BCL2: variants seen among roughly 807,000 people sequenced by gnomAD.
BCL2 encodes apoptosis regulator Bcl-2.
Under a neutral mutation model 14.2 loss-of-function variants are expected in BCL2, and 1 was observed. The ratio of observed to expected loss-of-function variants is 0.07; its 90% CI spans 0.02 to 0.33. The LOEUF (loss-of-function observed/expected upper bound fraction) is 0.33, where lower values mean the gene tolerates loss of function less well. Among genes scored for constraint, BCL2 ranks in the 10% least tolerant of loss-of-function variants. The probability of loss-of-function intolerance (pLI) is 0.99; values close to 1 mark genes in which losing one functional copy is unlikely to be tolerated. For missense variants in BCL2, 247 were observed against 305.9 expected (o/e 0.81, Z 1.44); for synonymous variants, 151 against 137.2 (o/e 1.10, Z -0.70).
rs539438534 is a variant in BCL2 at position 63,273,632 on chromosome 18, C to T, written c.585+44450G>A. On this transcript the variant is annotated intron_variant, in intron 2 of 2. Transcript: ENST00000333681. ...CTTGAACTCTTTGGACCTCATTTTT[C>T]GTGTCTATGAAATGAGAGAGTTGAA... 1.4e-3 allele frequency among the ~76,000 whole-genome samples: 208 copies of T among 152,286 alleles called. 1 individual carries two copies. The highest frequency in any genetic ancestry group is 4.6e-3 in the African/African-American group (190 of 41,564).
chr18:63,244,477 T>C (rs1911100304), intron 2 of BCL2, among the ~76,000 whole-genome samples: 1 of 152,118 alleles, frequency 6.6e-6, no homozygotes, highest in Non-Finnish European at 1.5e-5. Flanking sequence ...GAGAATCACT[T>C]GAATCTAGGA....
intron 2 of BCL2, among the ~76,000 whole-genome samples, chr18:63,303,809 C>T (rs1265006546): frequency 6.6e-6 from 1 of 151,986 alleles, no homozygotes; most frequent in Non-Finnish European, 1.5e-5. Context: ...AGGCCAATGA[C>T]CAATGTTGTC....
chr18:63,230,734 A>C (rs987244257), intron 2 of BCL2, among the ~76,000 whole-genome samples: 1 of 152,116 alleles, frequency 6.6e-6, no homozygotes, highest in African/African-American at 2.4e-5. Context: ...AAAACCTTTT[A>C]GAAAAATATG....
intron 2 of BCL2, among the ~76,000 whole-genome samples, chr18:63,306,940 C>A (rs986776425): frequency 7.3e-5 from 11 of 151,720 alleles, no homozygotes; most frequent in Non-Finnish European, 1.3e-4. Context: ...CCCAGGGAAG[C>A]CAAAAGATTG....
Position 63,291,814 on chromosome 18 carries a change from C to T in BCL2, c.585+26268G>A, listed in dbSNP as rs150849439. Among the ~76,000 whole-genome samples the T allele has an allele frequency of 1.3e-4, 19 of 151,100 alleles. No individual in the cohort carries two copies. The East Asian group carries it at 3.5e-3, about 28-fold the overall frequency. On this transcript the variant is annotated intron_variant, in intron 2 of 2. Transcript: ENST00000333681. ...TTCTTGTGTTGGAAAGATAATCTTA[C>T]TGAAACAGGAATGGAATCTAGCTTA...
intron 2 of BCL2, among the ~76,000 whole-genome samples, chr18:63,267,600 T>C (rs1453245176): frequency 6.6e-6 from 1 of 152,168 alleles, no homozygotes; most frequent in African/African-American, 2.4e-5. Flanking sequence ...GTCCCAAATT[T>C]GTTGAGGTTG....
chr18:63,237,669 A>G (rs1910879013), intron 2 of BCL2, among the ~76,000 whole-genome samples: 1 of 152,144 alleles, frequency 6.6e-6, no homozygotes, highest in Non-Finnish European at 1.5e-5. Flanking sequence ...TATTTTATGG[A>G]AAGCTGGTCA....
chr18:63,256,552 G>A (rs1406547523), intron 2 of BCL2, among the ~76,000 whole-genome samples: 1 of 152,172 alleles, frequency 6.6e-6, no homozygotes, highest in Middle Eastern at 3.2e-3. Flanking sequence ...GTGAAAGCGT[G>A]ACTTACTCAA....
At chr18:63,137,568 T>C (rs1914240835) in intron 2 of BCL2, among the ~76,000 whole-genome samples, 2 of 152,174 alleles carry the variant, frequency 1.3e-5, no homozygotes, top group African/African-American at 4.8e-5. Flanking sequence ...TTTTTTTTTC[T>C]TTCAGCAGCA....
At chr18:63,162,029 T>G (rs1489867125) in intron 2 of BCL2, among the ~76,000 whole-genome samples, 1 of 152,202 alleles carries the variant, frequency 6.6e-6, no homozygotes, top group Non-Finnish European at 1.5e-5. Context: ...TCCCACGTGC[T>G]GTTGATTTCC....
chr18:63,241,600 A>T (rs1911003647), intron 2 of BCL2, among the ~76,000 whole-genome samples: 1 of 152,222 alleles, frequency 6.6e-6, no homozygotes, highest in African/African-American at 2.4e-5. Context: ...CCAGCAGATC[A>T]TCTGGTCTCT....
At chr18:63,150,730 G>C (rs532768792) in intron 2 of BCL2, among the ~76,000 whole-genome samples, 1 of 152,284 alleles carries the variant, frequency 6.6e-6, no homozygotes, top group South Asian at 2.1e-4. Context: ...ATTTAAATAT[G>C]AATTCCTATA....
At chr18:63,240,138 C>T (rs1371285158) in intron 2 of BCL2, among the ~76,000 whole-genome samples, 5 of 152,024 alleles carry the variant, frequency 3.3e-5, no homozygotes, top group Non-Finnish European at 7.4e-5. Flanking sequence ...TACAGACGTG[C>T]CACCACGTTT....
chr18:63,184,173 G>A (rs1915539627), intron 2 of BCL2, among the ~76,000 whole-genome samples: 1 of 152,224 alleles, frequency 6.6e-6, no homozygotes, highest in Non-Finnish European at 1.5e-5. Context: ...CATGGATAAG[G>A]AGCCTTGACC....
intron 2 of BCL2, among the ~76,000 whole-genome samples, chr18:63,287,657 A>C (rs1912513915): frequency 6.6e-6 from 1 of 152,232 alleles, no homozygotes; most frequent in Non-Finnish European, 1.5e-5. Flanking sequence ...TAAACTTAAG[A>C]ATAATTTTTG....
chr18:63,153,042 A>T (rs1026825), intron 2 of BCL2, among the ~76,000 whole-genome samples: 1 of 151,990 alleles, frequency 6.6e-6, no homozygotes, highest in Non-Finnish European at 1.5e-5. Context: ...GAATGCTCAC[A>T]GCTCACCCAT....
At chr18:63,286,776 G>A (rs1209562212) in intron 2 of BCL2, among the ~76,000 whole-genome samples, 2 of 152,118 alleles carry the variant, frequency 1.3e-5, no homozygotes, top group African/African-American at 4.8e-5. Context: ...AGTCCTTGGT[G>A]CCCAATCTCT....
intron 2 of BCL2, among the ~76,000 whole-genome samples, chr18:63,154,062 C>A (rs1460124853): frequency 6.6e-6 from 1 of 152,172 alleles, no homozygotes; most frequent in Non-Finnish European, 1.5e-5. Flanking sequence ...GTACATCAAA[C>A]CCAACACAGC....
At chr18:63,159,110 G>A (rs4940572) in intron 2 of BCL2, among the ~76,000 whole-genome samples, 44,333 of 152,032 alleles carry the variant, frequency 0.29, 8,868 homozygotes, top group African/African-American at 0.54. Flanking sequence ...AATTTCCAGA[G>A]GTCTCTGATA....
Sources: allele counts gnomAD v4.1 joint callset (sites outside exome capture counted in the v4.1 genomes callset), GRCh38; gene constraint gnomAD v4.1.1; transcripts MANE v1.5; gene names NCBI Gene and HGNC (gene_info 2026-07-23, HGNC 2026-07-21).